Variants in RERE observed in about 807,000 individuals in gnomAD.
The protein encoded by RERE is arginine-glutamic acid dipeptide repeats.
Under a neutral mutation model 146.1 loss-of-function variants are expected in RERE, and 40 were observed. The observed-to-expected ratio is 0.27, with a 90% CI of 0.21 to 0.36. The LOEUF (loss-of-function observed/expected upper bound fraction) is 0.36. RERE is among the 10% of genes least tolerant of loss of function. The probability of loss-of-function intolerance (pLI) is 1.00; values close to 1 mark genes in which losing one functional copy is unlikely to be tolerated. For synonymous variants in RERE, 1,003 were observed against 866.0 expected (o/e 1.16, Z -2.78); for missense variants, 1,933 against 2,138.7 (o/e 0.90, Z 1.90).
At chr1:8,406,018 TAAC>T (rs1394352209) in intron 12 of RERE, among the ~76,000 whole-genome samples, 2 of 152,156 alleles carry the variant, frequency 1.3e-5, no homozygotes, top group Non-Finnish European at 2.9e-5. Flanking sequence ...CCTTTCCCCC[TAAC>T]AACTACAAAG....
rs758220386 is a variant in RERE, at chr1:8,355,090, T to C, written c.4698A>G (p.Leu1566=). 3.7e-6 allele frequency: 6 copies of C among 1,613,706 alleles called. No homozygotes were observed. Among genetic ancestry groups the C allele is most frequent in the Non-Finnish European group, 5.1e-6 (6 of 1,179,806 alleles). The part of the protein sequence containing the change: ...SRLKKEGDKQ[L] Reference sequence around the variant, plus strand: ...CCAGCGTTAACAAATAAATAACTTATAACTGCTTGTCACCTTCTTTCTTCA... The same window carrying C: ...CCAGCGTTAACAAATAAATAACTTACAACTGCTTGTCACCTTCTTTCTTCA... The change falls in exon 23 of 23, where the codon TTA becomes TTG. Residue 1566 remains leucine, a synonymous_variant. Coordinates refer to ENST00000400908, the MANE Select transcript of RERE (RefSeq NM_001042681.2).
chr1:8,588,435 C>T lies in RERE; in HGVS notation c.522+26126G>A, dbSNP rs747770724. 2.0e-5 allele frequency among the ~76,000 whole-genome samples: 3 copies of T among 152,122 alleles called. 1 individual carries two copies. The highest frequency in any genetic ancestry group is 6.6e-5 in the Admixed American group (1 of 15,258). On this transcript the variant is annotated intron_variant, in intron 4 of 22. Coordinates refer to ENST00000400908, the MANE Select transcript of RERE (RefSeq NM_001042681.2). ...CTTCCCAAACCCCTCATCGAAGGGT[C>T]GTCGCCTCGTCCAGTCTCTCTGGGT...
chr1:8,709,764 T>C (rs79800142), intron 1 of RERE, among the ~76,000 whole-genome samples: 1 of 152,198 alleles, frequency 6.6e-6, no homozygotes, highest in Non-Finnish European at 1.5e-5. Flanking sequence ...TTTACTCTTA[T>C]AAACAGTGCT....
chr1:8,662,156 C>T (rs1638470761), intron 1 of RERE, among the ~76,000 whole-genome samples: 1 of 152,150 alleles, frequency 6.6e-6, no homozygotes, highest in African/African-American at 2.4e-5. Context: ...TTTTTTGATC[C>T]TATTAGATTC....
chr1:8,730,089 T>C (rs1024242389), intron 1 of RERE, among the ~76,000 whole-genome samples: 4 of 152,192 alleles, frequency 2.6e-5, no homozygotes, highest in Middle Eastern at 3.2e-3. Flanking sequence ...TGTGTATGAA[T>C]AGAACCAGAT....
intron 12 of RERE, among the ~76,000 whole-genome samples, chr1:8,396,288 G>C (rs898819389): frequency 1.3e-5 from 2 of 152,154 alleles, no homozygotes; most frequent in Admixed American, 1.3e-4. Context: ...TGTTGTCCAT[G>C]CCAAAATTCA....
intron 4 of RERE, among the ~76,000 whole-genome samples, chr1:8,603,772 T>C (rs548727711): frequency 3.0e-4 from 46 of 151,642 alleles, no homozygotes; most frequent in Admixed American, 1.2e-3. Context: ...GTAAGCAACA[T>C]AAGGAGGAGA....
intron 1 of RERE, among the ~76,000 whole-genome samples, chr1:8,775,636 C>T (rs982651983): frequency 3.3e-5 from 5 of 152,008 alleles, no homozygotes; most frequent in African/African-American, 9.7e-5. Context: ...TTTCCCTTAA[C>T]GGTATTTTCT....
intron 12 of RERE, among the ~76,000 whole-genome samples, chr1:8,416,599 AAAAGAAAAG>A (rs1263878503): frequency 6.5e-4 from 84 of 129,836 alleles, no homozygotes; most frequent in Non-Finnish European, 8.8e-4. Flanking sequence ...AAAAAAAAAA[AAAAGAAAAG>A]AAAAGAAAAG....
At chr1:8,589,751 T>C (rs919233181) in intron 4 of RERE, among the ~76,000 whole-genome samples, 6 of 152,174 alleles carry the variant, frequency 3.9e-5, no homozygotes, top group African/African-American at 1.4e-4. Context: ...CAGCTGCAAG[T>C]TTTGCCTTGA....
intron 1 of RERE, among the ~76,000 whole-genome samples, chr1:8,675,738 T>TAC (rs141130300): frequency 5.5e-4 from 81 of 147,890 alleles, no homozygotes; most frequent in South Asian, 3.4e-3. Flanking sequence ...TACATACATA[T>TAC]ATACATACAT....
At chr1:8,469,250 T>C (rs577107614) in intron 10 of RERE, among the ~76,000 whole-genome samples, 7 of 152,344 alleles carry the variant, frequency 4.6e-5, no homozygotes, top group Non-Finnish European at 7.3e-5. Flanking sequence ...AAACCACTTA[T>C]GTGTCATATA....
At chr1:8,809,929 T>C (rs765141345) in intron 1 of RERE, among the ~76,000 whole-genome samples, 32 of 152,154 alleles carry the variant, frequency 2.1e-4, no homozygotes, top group Non-Finnish European at 3.8e-4. Context: ...TGGTAGGAAA[T>C]AAAAGTGGCC....
chr1:8,685,544 A>G (rs1379581522), intron 1 of RERE, among the ~76,000 whole-genome samples: 2 of 152,132 alleles, frequency 1.3e-5, no homozygotes, highest in Non-Finnish European at 2.9e-5. Flanking sequence ...ACACGGTGAA[A>G]CCCTGTCTCT....
chr1:8,539,152 A>T (rs1265314254), intron 7 of RERE, among the ~76,000 whole-genome samples: 1 of 152,236 alleles, frequency 6.6e-6, no homozygotes, highest in African/African-American at 2.4e-5. Flanking sequence ...TTAAATAAGC[A>T]CAATATCACT....
At chr1:8,453,080 GGAGA>G (rs1644407204) in intron 11 of RERE, among the ~76,000 whole-genome samples, 1 of 152,162 alleles carries the variant, frequency 6.6e-6, no homozygotes, top group Non-Finnish European at 1.5e-5. Context: ...AAAAAGAGAG[GGAGA>G]GAGAGGAAGG....
chr1:8,465,889 C>T, intron 11 of RERE, 36 bp downstream of exon 11: 2 of 1,579,418 alleles, frequency 1.3e-6, no homozygotes, highest in Non-Finnish European at 1.7e-6. Flanking sequence ...TGGCCCGATG[C>T]CCCAGAGCAC....
intron 1 of RERE, among the ~76,000 whole-genome samples, chr1:8,682,993 G>GACTCCATA (rs1213773295): frequency 8.9e-6 from 1 of 111,794 alleles, no homozygotes; most frequent in Non-Finnish European, 1.6e-5. Flanking sequence ...TCAGAAGTTA[G>GACTCCATA]ACTCCATAAT....
At chr1:8,463,618 G>T (rs945950848) in intron 11 of RERE, among the ~76,000 whole-genome samples, 1 of 152,168 alleles carries the variant, frequency 6.6e-6, no homozygotes, top group African/African-American at 2.4e-5. Context: ...ATTCCAGAGG[G>T]AATGAAAGGT....
Sources: allele counts gnomAD v4.1 joint callset (sites outside exome capture counted in the v4.1 genomes callset), GRCh38; gene constraint gnomAD v4.1.1; transcripts MANE v1.5; gene names NCBI Gene and HGNC (gene_info 2026-07-23, HGNC 2026-07-21).